IQUB: variants seen among roughly 807,000 people sequenced by gnomAD.
The protein encoded by IQUB is IQ motif and ubiquitin domain containing.
A neutral mutation model predicts 86.4 loss-of-function variants in IQUB; 86 were observed. The ratio of observed to expected loss-of-function variants is 1.00; its 90% confidence interval spans 0.84 to 1.19. The LOEUF (loss-of-function observed/expected upper bound fraction) is 1.19, where lower values mean the gene tolerates loss of function less well. Among genes scored for constraint, IQUB ranks in the 50% most tolerant of loss-of-function variants. The probability of loss-of-function intolerance (pLI) is 0.00; values close to 1 mark genes in which losing one functional copy is unlikely to be tolerated. For synonymous variants in IQUB, 289 were observed against 304.5 expected (o/e 0.95, Z 0.53); for missense variants, 946 against 916.9 (o/e 1.03, Z -0.41).
intron 6 of IQUB, among the ~76,000 whole-genome samples, chr7:123,498,679 A>T (rs73222263): frequency 0.23 from 34,750 of 152,032 alleles, 4,656 homozygotes; most frequent in East Asian, 0.33. Flanking sequence ...CTTCCTACTT[A>T]TATGTCCCAG....
intron 8 of IQUB, among the ~76,000 whole-genome samples, chr7:123,475,695 G>C (rs1373056173): frequency 6.6e-6 from 1 of 152,072 alleles, no homozygotes; most frequent in South Asian, 2.1e-4. Context: ...TTCTACAGAA[G>C]GCTCAGCATC....
At chr7:123,515,135 C>A (rs957725429) in intron 1 of IQUB, among the ~76,000 whole-genome samples, 5 of 152,066 alleles carry the variant, frequency 3.3e-5, no homozygotes, top group African/African-American at 1.2e-4. Context: ...AAAACACACA[C>A]ACAAAAACAC....
intron 10 of IQUB, 111 bp from the exon 11 acceptor site, chr7:123,461,716 T>C (rs995486688): frequency 1.0e-6 from 1 of 973,128 alleles, no homozygotes; most frequent in Non-Finnish European, 1.4e-6. Context: ...TAGAATGAGA[T>C]TTAAAAAAAA....
intron 1 of IQUB, among the ~76,000 whole-genome samples, 184 bp downstream of exon 1, chr7:123,534,308 T>C (rs1438136137): frequency 2.6e-5 from 4 of 152,082 alleles, no homozygotes; most frequent in African/African-American, 7.2e-5. Flanking sequence ...CCGAGAAAGA[T>C]GAGATGCTTC....
intron 8 of IQUB, among the ~76,000 whole-genome samples, chr7:123,470,768 A>G (rs1794483968): frequency 6.6e-6 from 1 of 151,640 alleles, no homozygotes; most frequent in South Asian, 2.1e-4. Context: ...GGAGAATGGC[A>G]TGAACCTGGG....
intron 8 of IQUB, among the ~76,000 whole-genome samples, chr7:123,473,091 T>C (rs915573533): frequency 6.6e-6 from 1 of 152,108 alleles, no homozygotes; most frequent in African/African-American, 2.4e-5. Context: ...ACTAGGAAAG[T>C]AGATATTTTC....
chr7:123,454,166 TCTAA>T (rs1419552636), intron 12 of IQUB, among the ~76,000 whole-genome samples: 1 of 152,130 alleles, frequency 6.6e-6, no homozygotes, highest in Non-Finnish European at 1.5e-5. Context: ...TTTGAGCTAA[TCTAA>T]CTTTGTTTCT....
At chr7:123,525,460 T>C (rs1797149781) in intron 1 of IQUB, among the ~76,000 whole-genome samples, 2 of 152,198 alleles carry the variant, frequency 1.3e-5, no homozygotes, top group African/African-American at 4.8e-5. Flanking sequence ...ATTTATCCAT[T>C]TCTTCTAGAT....
intron 1 of IQUB, among the ~76,000 whole-genome samples, chr7:123,513,313 TGAA>T (rs1796510588): frequency 6.6e-6 from 1 of 152,170 alleles, no homozygotes; most frequent in Non-Finnish European, 1.5e-5. Context: ...TAGAGAGAGT[TGAA>T]GAGAGAATTA....
intron 7 of IQUB, among the ~76,000 whole-genome samples, chr7:123,485,279 A>G (rs1795171474): frequency 6.6e-6 from 1 of 151,926 alleles, no homozygotes; most frequent in African/African-American, 2.4e-5. Context: ...TCTTCATATG[A>G]TTTTCCCTCT....
chr7:123,489,245 A>T (rs6976481), intron 7 of IQUB, among the ~76,000 whole-genome samples: 37,243 of 152,094 alleles, frequency 0.24, 5,043 homozygotes, highest in East Asian at 0.33. Context: ...AAAGCTGTAC[A>T]CTTAAGCCTT....
chr7:123,469,256 A>G lies in IQUB; in HGVS notation c.1539T>C (p.Asp513=), dbSNP rs753319436. ...KCIMLKNISQ[D]ERLDVLLTLK... ...GAGTTAACAGCACATCCAGCCTCTC[A>G]TCTTGGGAGATATTTTTCAGCATAA... The change falls in exon 9 of 13, where the codon GAT becomes GAC. Residue 513 remains aspartate, a synonymous_variant. Coordinates refer to ENST00000324698, the MANE Select transcript of IQUB (RefSeq NM_178827.5). The G allele has an allele frequency of 1.2e-6, 2 of 1,604,774 alleles. No individual in the cohort carries two copies. Among genetic ancestry groups the G allele is most frequent in the Non-Finnish European group, 1.7e-6 (2 of 1,175,582 alleles).
intron 11 of IQUB, among the ~76,000 whole-genome samples, chr7:123,459,219 A>G (rs951115091): frequency 7.9e-5 from 12 of 151,966 alleles, no homozygotes; most frequent in African/African-American, 2.7e-4. Context: ...AAAGGTTACA[A>G]TGCTCCCCTA....
At chr7:123,473,766 T>C (rs1794640033) in intron 8 of IQUB, among the ~76,000 whole-genome samples, 1 of 151,422 alleles carries the variant, frequency 6.6e-6, no homozygotes, top group South Asian at 2.1e-4. Context: ...TTTGTATTTT[T>C]AGTAGAGACA....
At chr7:123,474,861 CAGCTGG>C in intron 8 of IQUB, among the ~76,000 whole-genome samples, 1 of 152,272 alleles carries the variant, frequency 6.6e-6, no homozygotes, top group Admixed American at 6.5e-5. Flanking sequence ...ACTGGTTTAT[CAGCTGG>C]GGTAACTGTG....
chr7:123,521,493 T>C (rs1796900171), intron 1 of IQUB, among the ~76,000 whole-genome samples: 1 of 151,958 alleles, frequency 6.6e-6, no homozygotes, highest in South Asian at 2.1e-4. Flanking sequence ...AAATACAAAC[T>C]TAGCCGGGCA....
intron 6 of IQUB, among the ~76,000 whole-genome samples, chr7:123,498,230 T>C (rs554410241): frequency 2.2e-4 from 33 of 152,172 alleles, no homozygotes; most frequent in African/African-American, 7.2e-4. Context: ...TAGAAAACTA[T>C]TAGCAATGCA....
chr7:123,523,845 T>C (rs1562876889), intron 1 of IQUB, among the ~76,000 whole-genome samples: 1 of 152,196 alleles, frequency 6.6e-6, no homozygotes, highest in African/African-American at 2.4e-5. Flanking sequence ...AGGTCTAATG[T>C]TTAAGTCTTT....
intron 7 of IQUB, 83 bp downstream of exon 7, chr7:123,496,613 C>T: frequency 1.2e-6 from 1 of 813,326 alleles, no homozygotes; most frequent in Admixed American, 3.4e-5. Context: ...ATAATAACAC[C>T]TTCCTTTTGT....
Sources: allele counts gnomAD v4.1 joint callset (sites outside exome capture counted in the v4.1 genomes callset), GRCh38; gene constraint gnomAD v4.1.1; transcripts MANE v1.5; gene names NCBI Gene and HGNC (gene_info 2026-07-23, HGNC 2026-07-21).